Variants in TMEM132C observed in about 807,000 individuals in gnomAD.
The protein encoded by TMEM132C is protein phosphatase 1, regulatory subunit 152.
TMEM132C carries 29 observed loss-of-function variants against 61.4 expected under a neutral mutation model. The ratio of observed to expected loss-of-function variants is 0.47; its 90% CI spans 0.35 to 0.64. The LOEUF is 0.64. Ranked by LOEUF, TMEM132C falls within the 30% of genes least tolerant of loss-of-function variation. TMEM132C has a pLI of 0.00. For synonymous variants in TMEM132C, 656 were observed against 633.1 expected, an observed-to-expected ratio of 1.04 and a Z score of -0.54; for missense variants, 1,408 against 1,476.9, an observed-to-expected ratio of 0.95 and a Z score of 0.76.
intron 6 of TMEM132C, among the ~76,000 whole-genome samples, chr12:128,694,487 AT>A (rs1954742973): frequency 6.6e-6 from 1 of 152,138 alleles, no homozygotes; most frequent in Admixed American, 6.5e-5. Flanking sequence ...AAAGCTTCTA[AT>A]TTTTTTGGGA....
At chr12:128,664,720 C>CGAGCAGTGCT (rs1444801228) in intron 4 of TMEM132C, among the ~76,000 whole-genome samples, 1 of 152,188 alleles carries the variant, frequency 6.6e-6, no homozygotes, top group Non-Finnish European at 1.5e-5. Flanking sequence ...AGCCTTCTTC[C>CGAGCAGTGCT]GAGCAGTGCT....
intron 2 of TMEM132C, among the ~76,000 whole-genome samples, chr12:128,446,422 C>T (rs572627047): frequency 6.6e-5 from 10 of 152,324 alleles, no homozygotes; most frequent in African/African-American, 1.2e-4. Context: ...AAGCGTCTTC[C>T]GTAAGAAAGT....
At chr12:128,306,203 A>G (rs1443916456) in intron 1 of TMEM132C, among the ~76,000 whole-genome samples, 1 of 116,522 alleles carries the variant, frequency 8.6e-6, no homozygotes, top group South Asian at 3.0e-4. Flanking sequence ...CTGTGAAGAA[A>G]TTCTTTTTTT....
At chr12:128,689,969 C>T (rs1479072939) in intron 5 of TMEM132C, among the ~76,000 whole-genome samples, 1 of 152,218 alleles carries the variant, frequency 6.6e-6, no homozygotes, top group African/African-American at 2.4e-5. Context: ...ACAGGACATC[C>T]GTGGCTGACC....
Position 128,704,283 on chromosome 12 carries a change from T to A in TMEM132C, c.2122-807T>A, listed in dbSNP as rs2049953721. Among the ~76,000 whole-genome samples the A allele has an allele frequency of 2.0e-5, 3 of 152,212 alleles. 1 individual carries two copies. The South Asian group carries it at 6.2e-4, about 32-fold the overall frequency. On this transcript the variant is annotated intron_variant, in intron 8 of 8. Transcript: ENST00000435159. ...TACCAGTCCCCACAATGGCAAATAG[T>A]TTTTACATAGCTGTTGGGTCACTGA...
At chr12:128,508,785 C>A (rs1872470775) in intron 2 of TMEM132C, among the ~76,000 whole-genome samples, 1 of 152,218 alleles carries the variant, frequency 6.6e-6, no homozygotes, top group African/African-American at 2.4e-5. Flanking sequence ...CCCGTGCTCC[C>A]TCCAGCTGCT....
chr12:128,315,499 C>T (rs1190940522), intron 1 of TMEM132C, among the ~76,000 whole-genome samples: 4 of 151,920 alleles, frequency 2.6e-5, no homozygotes, highest in African/African-American at 4.8e-5. Context: ...TAACGATAGC[C>T]TTTTCTACTC....
intron 3 of TMEM132C, among the ~76,000 whole-genome samples, chr12:128,586,520 G>A (rs1412115149): frequency 6.6e-6 from 1 of 152,052 alleles, no homozygotes; most frequent in Non-Finnish European, 1.5e-5. Flanking sequence ...TGGGATTTGG[G>A]CTTGTATTTT....
intron 1 of TMEM132C, among the ~76,000 whole-genome samples, chr12:128,412,960 T>C (rs770349920): frequency 6.6e-5 from 10 of 152,160 alleles, no homozygotes; most frequent in Non-Finnish European, 1.5e-4. Context: ...CAGCCATTTT[T>C]CTGCATAGAG....
chr12:128,600,885 A>G (rs1873158), intron 3 of TMEM132C, among the ~76,000 whole-genome samples: 50,947 of 152,114 alleles, frequency 0.33, 9,118 homozygotes, highest in African/African-American at 0.46. Context: ...TGTAAAAACT[A>G]TATCCCCCCA....
intron 1 of TMEM132C, among the ~76,000 whole-genome samples, chr12:128,315,728 T>A (rs1025846422): frequency 1.3e-5 from 2 of 152,008 alleles, no homozygotes; most frequent in Admixed American, 1.3e-4. Context: ...GATGAGGTCA[T>A]GCTGGAGTAG....
chr12:128,681,650 G>GT (rs1954635541), intron 5 of TMEM132C, among the ~76,000 whole-genome samples: 1 of 114,032 alleles, frequency 8.8e-6, no homozygotes, highest in African/African-American at 3.4e-5. Context: ...CTACCAGACT[G>GT]TATCTTTTTT....
chr12:128,347,135 C>T (rs962493389), intron 1 of TMEM132C, among the ~76,000 whole-genome samples: 1 of 152,144 alleles, frequency 6.6e-6, no homozygotes. Context: ...GTCCTGGCAT[C>T]TTCATAGCTT....
chr12:128,358,781 A>G (rs539582290), intron 1 of TMEM132C, among the ~76,000 whole-genome samples: 44 of 152,168 alleles, frequency 2.9e-4, no homozygotes, highest in Non-Finnish European at 4.6e-4. Flanking sequence ...AAAAGAAAAA[A>G]ATGCACAAAA....
At chr12:128,271,492 A>T (rs11059615) in intron 1 of TMEM132C, among the ~76,000 whole-genome samples, 6,325 of 152,250 alleles carry the variant, frequency 0.042, 343 homozygotes, top group African/African-American at 0.12. Flanking sequence ...GCTCTTTTGC[A>T]TCTACTGAGA....
intron 2 of TMEM132C, among the ~76,000 whole-genome samples, chr12:128,435,179 G>A (rs1869539182): frequency 6.6e-6 from 1 of 152,154 alleles, no homozygotes; most frequent in Admixed American, 6.6e-5. Flanking sequence ...CCTTCATCTT[G>A]GACCTCTGCC....
At chr12:128,542,700 A>T (rs1458538350) in intron 2 of TMEM132C, among the ~76,000 whole-genome samples, 1 of 143,824 alleles carries the variant, frequency 7.0e-6, no homozygotes, top group Non-Finnish European at 1.5e-5. Flanking sequence ...TCTCTACTAA[A>T]ATACAAAAAA....
chr12:128,394,402 G>A (rs971944820), intron 1 of TMEM132C, among the ~76,000 whole-genome samples: 2 of 152,188 alleles, frequency 1.3e-5, no homozygotes, highest in Non-Finnish European at 2.9e-5. Context: ...TCCTCTGCTG[G>A]GTACTCTCTG....
chr12:128,676,022 A>G (rs1315057865), intron 5 of TMEM132C, among the ~76,000 whole-genome samples: 1 of 152,214 alleles, frequency 6.6e-6, no homozygotes. Flanking sequence ...CATCAACTTC[A>G]GTTAATTTAA....
Sources: gnomAD v4.1 joint callset for allele counts (sites outside exome capture counted in the v4.1 genomes callset) on GRCh38, gnomAD v4.1.1 for gene constraint, MANE v1.5 for transcripts, NCBI Gene and HGNC (gene_info 2026-07-23, HGNC 2026-07-21) for gene names.